The following LINGO2 variants were observed in gnomAD, a reference collection of about 807,000 sequenced individuals.
LINGO2 encodes the protein leucine rich repeat and Ig domain containing 2.
Under a neutral mutation model 30.6 loss-of-function variants are expected in LINGO2, and 14 were observed. The ratio of observed to expected loss-of-function variants is 0.46; its 90% CI spans 0.30 to 0.72. The LOEUF is 0.72. LINGO2 is among the 30% of genes least tolerant of loss of function. LINGO2 has a pLI of 0.07. For synonymous variants in LINGO2, 317 were observed against 288.5 expected, an observed-to-expected ratio of 1.10 and a Z score of -1.00; for missense variants, 729 against 751.7, an observed-to-expected ratio of 0.97 and a Z score of 0.35.
chr9:28,515,658 G>T (rs1820592627), intron 1 of LINGO2, among the ~76,000 whole-genome samples: 1 of 152,178 alleles, frequency 6.6e-6, no homozygotes, highest in Non-Finnish European at 1.5e-5. Context: ...GTGAATAGAT[G>T]AGTTGTTCTC....
the LINGO2 span, among the ~76,000 whole-genome samples, chr9:29,139,638 C>A: frequency 6.6e-6 from 1 of 151,964 alleles, no homozygotes; most frequent in African/African-American, 2.4e-5. Context: ...GGCTCTTGAA[C>A]CCCATGAAAG....
At chr9:28,959,714 A>G in the LINGO2 span, among the ~76,000 whole-genome samples, 5 of 151,974 alleles carry the variant, frequency 3.3e-5, no homozygotes, top group Non-Finnish European at 5.9e-5. Flanking sequence ...CTGAATAGTG[A>G]CAAACAGAAT....
At chr9:28,312,976 G>A (rs761148616) in intron 3 of LINGO2, among the ~76,000 whole-genome samples, 2 of 152,080 alleles carry the variant, frequency 1.3e-5, no homozygotes, top group Admixed American at 6.6e-5. Flanking sequence ...AAGGATTTCA[G>A]GCTGACACAG....
rs185143037 is a variant in LINGO2, at chr9:28,435,343, T to C, written c.-279+40597A>G. ...GTTATCTAAGAATCATGTCAAATTT[T>C]ATTTAGCGGTATCACTATATGTAAG... On this transcript the variant is annotated intron_variant, in intron 2 of 5. Coordinates refer to ENST00000379992, the Ensembl canonical transcript of LINGO2. Among the ~76,000 whole-genome samples the C allele has an allele frequency of 2.8e-4, 43 of 152,330 alleles. 1 individual carries two copies. The highest frequency in any genetic ancestry group is 5.8e-4 in the East Asian group (3 of 5,184).
At chr9:29,004,278 G>A in the LINGO2 span, among the ~76,000 whole-genome samples, 2 of 151,132 alleles carry the variant, frequency 1.3e-5, no homozygotes, top group African/African-American at 4.9e-5. Context: ...AATACTTTTA[G>A]CTAAAAAATA....
intron 2 of LINGO2, among the ~76,000 whole-genome samples, chr9:28,454,579 A>G (rs111513307): frequency 1.3e-5 from 2 of 152,170 alleles, no homozygotes; most frequent in African/African-American, 4.8e-5. Context: ...ACATACATAT[A>G]CATATTATAT....
the LINGO2 span, among the ~76,000 whole-genome samples, chr9:28,875,946 A>C: frequency 1.3e-5 from 2 of 152,150 alleles, no homozygotes; most frequent in Admixed American, 1.3e-4. Context: ...TTAACAGAAG[A>C]GGTATTAATC....
chr9:28,796,777 G>A, the LINGO2 span, among the ~76,000 whole-genome samples: 1 of 151,960 alleles, frequency 6.6e-6, no homozygotes, highest in East Asian at 1.9e-4. Context: ...TATTCCCACA[G>A]TATTAACTCC....
At chr9:28,512,151 A>G (rs892527491) in intron 1 of LINGO2, among the ~76,000 whole-genome samples, 6 of 152,026 alleles carry the variant, frequency 3.9e-5, no homozygotes, top group Non-Finnish European at 7.4e-5. Flanking sequence ...TGATGACGCA[A>G]TGCTGCTGTG....
chr9:28,174,925 A>T (rs2383764), intron 4 of LINGO2, among the ~76,000 whole-genome samples: 18,387 of 95,790 alleles, frequency 0.19, 1,176 homozygotes, highest in Middle Eastern at 0.27. Flanking sequence ...TGTGTGTGAG[A>T]GAGAGAGAGA....
chr9:28,436,544 G>T (rs1156310420), intron 2 of LINGO2, among the ~76,000 whole-genome samples: 1 of 151,822 alleles, frequency 6.6e-6, no homozygotes, highest in Admixed American at 6.6e-5. Context: ...TGTAAGCTCC[G>T]CCTCCCGGGT....
At chr9:28,389,162 G>A (rs536087889) in intron 2 of LINGO2, among the ~76,000 whole-genome samples, 1 of 152,124 alleles carries the variant, frequency 6.6e-6, no homozygotes, top group Admixed American at 6.6e-5. Flanking sequence ...CCAGCTTTAG[G>A]AGATTGTTAT....
At chr9:29,020,692 A>C in the LINGO2 span, among the ~76,000 whole-genome samples, 2 of 152,176 alleles carry the variant, frequency 1.3e-5, no homozygotes, top group Non-Finnish European at 2.9e-5. Flanking sequence ...GACTGCATAG[A>C]GAACTAAGAA....
chr9:28,248,540 C>T (rs759638194), intron 4 of LINGO2, among the ~76,000 whole-genome samples: 7 of 152,006 alleles, frequency 4.6e-5, no homozygotes, highest in Non-Finnish European at 1.0e-4. Flanking sequence ...ATGAATAAGA[C>T]CTAGTATTTG....
chr9:28,405,877 G>A (rs957499675), intron 2 of LINGO2, among the ~76,000 whole-genome samples: 8 of 151,782 alleles, frequency 5.3e-5, no homozygotes, highest in Admixed American at 6.6e-5. Flanking sequence ...TTCACCAACC[G>A]TGTGTAGACT....
At chr9:29,128,854 T>C in the LINGO2 span, among the ~76,000 whole-genome samples, 3 of 152,268 alleles carry the variant, frequency 2.0e-5, no homozygotes, top group African/African-American at 7.2e-5. Context: ...GCCTACCAAA[T>C]TGGCTTATAA....
At chr9:28,160,729 G>A (rs1828262471) in intron 4 of LINGO2, among the ~76,000 whole-genome samples, 1 of 152,108 alleles carries the variant, frequency 6.6e-6, no homozygotes, top group African/African-American at 2.4e-5. Context: ...TATCCTCAGT[G>A]CTGGGAACAG....
intron 4 of LINGO2, among the ~76,000 whole-genome samples, chr9:28,012,586 T>C (rs2119264312): frequency 6.6e-6 from 1 of 152,106 alleles, no homozygotes; most frequent in East Asian, 1.9e-4. Context: ...AACAATCCAT[T>C]CAAGCCACCA....
At chr9:28,190,149 C>A (rs147811239) in intron 4 of LINGO2, among the ~76,000 whole-genome samples, 6 of 152,224 alleles carry the variant, frequency 3.9e-5, no homozygotes, top group Middle Eastern at 3.4e-3. Context: ...CATAGTAATT[C>A]TGATGCCAGG....
Sources: allele counts gnomAD v4.1 joint callset (sites outside exome capture counted in the v4.1 genomes callset), GRCh38; gene constraint gnomAD v4.1.1; transcripts MANE v1.5; gene names NCBI Gene and HGNC (gene_info 2026-07-23, HGNC 2026-07-21).